Variants in SUGCT observed in about 807,000 individuals in gnomAD.
SUGCT encodes succinyl-CoA:glutarate-CoA transferase, also known as succinyl-CoA:glutarate CoA-transferase.
In SUGCT, 41 loss-of-function variants were observed where a neutral mutation model predicts 55.0. The observed-to-expected ratio is 0.74, with a 90% CI of 0.58 to 0.97. SUGCT has a LOEUF of 0.97. SUGCT is among the 50% of genes least tolerant of loss of function. The probability of loss-of-function intolerance (pLI) is 0.00; values close to 1 mark genes in which losing one functional copy is unlikely to be tolerated. For missense variants in SUGCT, 568 were observed against 547.8 expected (o/e 1.04, Z -0.37); for synonymous variants, 187 against 200.4 (o/e 0.93, Z 0.56).
At chr7:41,007,823 C>CAAAA in the SUGCT span, among the ~76,000 whole-genome samples, 98 of 104,170 alleles carry the variant, frequency 9.4e-4, no homozygotes, top group East Asian at 1.3e-3. Flanking sequence ...AACTGAAATC[C>CAAAA]AAAAAAAAAA....
At chr7:40,319,453 T>G (rs1795610552) in intron 9 of SUGCT, among the ~76,000 whole-genome samples, 1 of 152,192 alleles carries the variant, frequency 6.6e-6, no homozygotes. Flanking sequence ...CAGAAAACTT[T>G]GCATCTAAGT....
intron 9 of SUGCT, among the ~76,000 whole-genome samples, chr7:40,324,703 C>T (rs1795943655): frequency 1.3e-5 from 2 of 152,300 alleles, no homozygotes; most frequent in African/African-American, 2.4e-5. Context: ...AAGCCCTCTA[C>T]TGTCTATTCT....
At chr7:40,138,627 G>A (rs1045331762) in intron 1 of SUGCT, among the ~76,000 whole-genome samples, 1 of 150,244 alleles carries the variant, frequency 6.7e-6, no homozygotes, top group Non-Finnish European at 1.5e-5. Context: ...TGTATAAGAA[G>A]AGTTCCCTTT....
At chr7:40,198,532 T>G (rs1003949792) in intron 6 of SUGCT, among the ~76,000 whole-genome samples, 2 of 152,256 alleles carry the variant, frequency 1.3e-5, no homozygotes, top group Non-Finnish European at 2.9e-5. Context: ...TGAGTTTGTG[T>G]GCATATAAAG....
chr7:40,242,933 ATT>A (rs70996894), intron 7 of SUGCT, among the ~76,000 whole-genome samples: 245 of 17,072 alleles, frequency 0.014, no homozygotes, highest in Non-Finnish European at 0.023. Context: ...ATATATATAT[ATT>A]TTTTTTTTTT....
chr7:40,912,454 T>G, the SUGCT span, among the ~76,000 whole-genome samples: 24 of 152,312 alleles, frequency 1.6e-4, no homozygotes, highest in Non-Finnish European at 2.8e-4. Flanking sequence ...ATGGGAAAAC[T>G]TTAGCAGCTG....
At chr7:40,289,518 G>A (rs1793588984) in intron 8 of SUGCT, among the ~76,000 whole-genome samples, 1 of 151,964 alleles carries the variant, frequency 6.6e-6, no homozygotes, top group Non-Finnish European at 1.5e-5. Context: ...AATAATAAGA[G>A]CTATCTATGA....
intron 10 of SUGCT, among the ~76,000 whole-genome samples, chr7:40,454,709 T>C (rs1789380881): frequency 6.6e-6 from 1 of 152,116 alleles, no homozygotes; most frequent in African/African-American, 2.4e-5. Context: ...TGGCACAACA[T>C]GTTTAAAAGG....
At chr7:40,463,347 A>G (rs1295048133) in intron 11 of SUGCT, among the ~76,000 whole-genome samples, 1 of 152,198 alleles carries the variant, frequency 6.6e-6, no homozygotes, top group Non-Finnish European at 1.5e-5. Flanking sequence ...AAACAGAAGC[A>G]TTTATGGATT....
intron 9 of SUGCT, among the ~76,000 whole-genome samples, chr7:40,324,065 G>A (rs773529481): frequency 6.6e-6 from 1 of 151,352 alleles, no homozygotes; most frequent in African/African-American, 2.4e-5. Flanking sequence ...TTTCTCTACT[G>A]TACCTCCCAA....
At chr7:40,726,073 A>G (rs1786597652) in intron 12 of SUGCT, among the ~76,000 whole-genome samples, 1 of 152,142 alleles carries the variant, frequency 6.6e-6, no homozygotes, top group African/African-American at 2.4e-5. Flanking sequence ...CTCAACACGT[A>G]ATAAATACTC....
intron 1 of SUGCT, among the ~76,000 whole-genome samples, chr7:40,173,142 T>C (rs1784756214): frequency 6.6e-6 from 1 of 152,180 alleles, no homozygotes; most frequent in South Asian, 2.1e-4. Flanking sequence ...GGCCATGCAG[T>C]GAGTGTTACA....
intron 12 of SUGCT, among the ~76,000 whole-genome samples, chr7:40,685,135 G>A (rs1382376575): frequency 1.3e-5 from 2 of 152,074 alleles, no homozygotes; most frequent in Non-Finnish European, 2.9e-5. Flanking sequence ...GGGATTACAG[G>A]TGTGAGCCAC....
At chr7:40,620,366 C>A (rs1799207937) in intron 12 of SUGCT, among the ~76,000 whole-genome samples, 1 of 152,134 alleles carries the variant, frequency 6.6e-6, no homozygotes. Flanking sequence ...AAAATAGTGG[C>A]AAGCTAGTAC....
chr7:40,651,010 G>A (rs973342493), intron 12 of SUGCT, among the ~76,000 whole-genome samples: 7 of 152,108 alleles, frequency 4.6e-5, no homozygotes, highest in Non-Finnish European at 8.8e-5. Flanking sequence ...TGAGGATAAT[G>A]GCTTCCAGCT....
intron 9 of SUGCT, among the ~76,000 whole-genome samples, chr7:40,413,865 TTTTC>T (rs1786826849): frequency 6.6e-6 from 1 of 152,120 alleles, no homozygotes; most frequent in African/African-American, 2.4e-5. Flanking sequence ...TGAATTACAG[TTTTC>T]TTTATTACAT....
intron 11 of SUGCT, among the ~76,000 whole-genome samples, chr7:40,469,108 C>G (rs1778759025): frequency 1.3e-5 from 2 of 152,206 alleles, no homozygotes; most frequent in Non-Finnish European, 2.9e-5. Context: ...TTTTCACCCT[C>G]TGAAACTTTT....
At chr7:40,735,770 A>G (rs567790157) in intron 12 of SUGCT, among the ~76,000 whole-genome samples, 2 of 152,300 alleles carry the variant, frequency 1.3e-5, no homozygotes, top group South Asian at 4.1e-4. Flanking sequence ...AAAAAACAGT[A>G]GATATTCTAA....
intron 13 of SUGCT, among the ~76,000 whole-genome samples, chr7:40,798,667 T>C (rs1273892706): frequency 2.0e-5 from 3 of 152,212 alleles, no homozygotes; most frequent in African/African-American, 7.2e-5. Context: ...CCACCACTTA[T>C]TTTGTCTGTT....
Sources: allele counts gnomAD v4.1 joint callset (sites outside exome capture counted in the v4.1 genomes callset), GRCh38; gene constraint gnomAD v4.1.1; transcripts MANE v1.5; gene names NCBI Gene and HGNC (gene_info 2026-07-23, HGNC 2026-07-21).